EPHX1: variants seen among roughly 807,000 people sequenced by gnomAD.
The protein encoded by EPHX1 is epoxide hydratase.
A neutral mutation model predicts 43.2 loss-of-function variants in EPHX1; 40 were observed. The ratio of observed to expected loss-of-function variants is 0.93; its 90% CI spans 0.72 to 1.21. The LOEUF (loss-of-function observed/expected upper bound fraction) is 1.21, where lower values mean the gene tolerates loss of function less well. Among genes scored for constraint, EPHX1 ranks in the 50% most tolerant of loss-of-function variants. The pLI is 0.00. For missense variants in EPHX1, 550 were observed against 570.4 expected, an observed-to-expected ratio of 0.96 and a Z score of 0.36; for synonymous variants, 221 against 226.7, an observed-to-expected ratio of 0.98 and a Z score of 0.22.
At chr1:225,836,899 A>G (rs1576021162) in intron 3 of EPHX1, among the ~76,000 whole-genome samples, 1 of 152,242 alleles carries the variant, frequency 6.6e-6, no homozygotes, top group East Asian at 1.9e-4. Context: ...GACACTTACA[A>G]TCTGTTAAAA....
rs369738560 is a variant in EPHX1 at position 225,842,361 on chromosome 1, G to A, written c.932-5G>A. On this transcript the variant is annotated splice_polypyrimidine_tract_variant and splice_region_variant and intron_variant, in intron 6 of 8. Coordinates refer to ENST00000272167, the MANE Select transcript of EPHX1 (RefSeq NM_001136018.4). ...GTCTCTCCCTTGCTCCCCGCTCCCCGCCAGGCTCTGCTCTGAATGACTCTC... is the reference window on the plus strand; with the variant it reads ...GTCTCTCCCTTGCTCCCCGCTCCCCACCAGGCTCTGCTCTGAATGACTCTC... 42 of 1,605,302 alleles carry A rather than the reference G, an allele frequency of 2.6e-5. 1 individual carries two copies. Among genetic ancestry groups the A allele is most frequent in the East Asian group, 6.7e-5 (3 of 44,828 alleles).
At chr1:225,824,744 G>A (rs1667148375) in intron 1 of EPHX1, among the ~76,000 whole-genome samples, 1 of 152,184 alleles carries the variant, frequency 6.6e-6, no homozygotes, top group Non-Finnish European at 1.5e-5. Flanking sequence ...CTTGGGCTTG[G>A]GCTGGTGGAA....
Position 225,828,894 on chromosome 1 carries a change from G to C in EPHX1, c.165G>C (p.Thr55=). The change falls in exon 2 of 9, where the codon ACG becomes ACC. Residue 55 remains threonine, a synonymous_variant. Coordinates refer to ENST00000272167, the MANE Select transcript of EPHX1 (RefSeq NM_001136018.4). ...GCATCCGCCCTTTCAAGGTGGAAACGTCAGATGAGGAGATCCACGTAAGGC... is the reference window on the plus strand; with the variant it reads ...GCATCCGCCCTTTCAAGGTGGAAACCTCAGATGAGGAGATCCACGTAAGGC... ...DDSIRPFKVE[T]SDEEIHDLHQ... 1.3e-6 allele frequency: 2 copies of C among 1,583,160 alleles called. No homozygotes were observed. Among genetic ancestry groups the C allele is most frequent in the East Asian group, 2.3e-5 (1 of 43,900 alleles).
At chr1:225,814,834 C>T (rs916436981) in intron 1 of EPHX1, among the ~76,000 whole-genome samples, 1 of 152,236 alleles carries the variant, frequency 6.6e-6, no homozygotes, top group African/African-American at 2.4e-5. Context: ...TTGTAGCCCT[C>T]TTTCTGCTAG....
intron 6 of EPHX1, among the ~76,000 whole-genome samples, chr1:225,841,536 G>A (rs529609202): frequency 5.2e-4 from 78 of 150,922 alleles, no homozygotes; most frequent in African/African-American, 1.8e-3. Flanking sequence ...CACCCGCCTC[G>A]GCCTCCCAAA....
intron 1 of EPHX1, among the ~76,000 whole-genome samples, chr1:225,822,111 A>G (rs1175224688): frequency 6.6e-6 from 1 of 152,172 alleles, no homozygotes; most frequent in Non-Finnish European, 1.5e-5. Context: ...ATTTGACTTC[A>G]GTGTAGAATT....
chr1:225,839,761 C>T, intron 5 of EPHX1, 68 bp from the exon 6 acceptor site: 1 of 1,524,958 alleles, frequency 6.6e-7, no homozygotes, highest in Non-Finnish European at 9.1e-7. Context: ...TGTTCCTCCG[C>T]CATCTCTCCT....
intron 6 of EPHX1, chr1:225,840,930 A>G (rs1416846501): frequency 1.3e-5 from 2 of 152,242 alleles, no homozygotes; most frequent in African/African-American, 4.8e-5. Flanking sequence ...TTCTCTGATT[A>G]TAAAATACAT....
chr1:225,829,931 C>T (rs904659632), intron 2 of EPHX1, among the ~76,000 whole-genome samples: 4 of 151,938 alleles, frequency 2.6e-5, no homozygotes, highest in African/African-American at 7.3e-5. Flanking sequence ...AAAAATTAGC[C>T]GGGCATAGTG....
In EPHX1 at chr1:225,839,935, A is replaced by G. The variant is rs1199665881; in HGVS notation, c.829A>G (p.Arg277Gly). 1 of 1,614,088 alleles carries G rather than the reference A, an allele frequency of 6.2e-7. No individual in the cohort carries two copies. Among genetic ancestry groups the G allele is most frequent in the East Asian group, 2.2e-5 (1 of 44,896 alleles). Residue 277 changes from arginine (R) to glycine (G), a missense_variant, in exon 6 of 9, where the codon AGG becomes GGG. Transcript: ENST00000272167. ...RFGRFLGLTE[R>G]DVELLYPVKE... ...CGGGAGGTTTCTTGGCCTCACTGAG[A>G]GGGATGTGGAGCTGCTGTACCCCGT...
chr1:225,824,623 G>A (rs956097081), intron 1 of EPHX1, among the ~76,000 whole-genome samples: 1 of 152,238 alleles, frequency 6.6e-6, no homozygotes. Flanking sequence ...GGAAAGCAAA[G>A]GTTTGAGGCT....
At chr1:225,822,237 A>C (rs902203652) in intron 1 of EPHX1, among the ~76,000 whole-genome samples, 8 of 152,032 alleles carry the variant, frequency 5.3e-5, no homozygotes, top group Non-Finnish European at 1.2e-4. Context: ...TCACGTTTTT[A>C]AAAAAAATCA....
chr1:225,833,044 A>G (rs1038920971), intron 3 of EPHX1, among the ~76,000 whole-genome samples: 20 of 152,306 alleles, frequency 1.3e-4, no homozygotes, highest in African/African-American at 4.3e-4. Context: ...TGCAGCGGCT[A>G]TTCACAGGCG....
rs1184975853 is a variant in EPHX1 at position 225,817,701 on chromosome 1, TCA to T, written c.-6+7533_-6+7534del. ...CTGGCTTTTCACGCTGCTGTGAGTC[TCA>T]GTCACTATTAGAGAAACACAGTCAG... On this transcript the variant is annotated intron_variant, in intron 1 of 8. Coordinates refer to ENST00000272167, the MANE Select transcript of EPHX1 (RefSeq NM_001136018.4). The surrounding 1 kb of genome is among the most constrained non-coding windows in gnomAD (Gnocchi z 5.7). Among the ~76,000 whole-genome samples the T allele has an allele frequency of 6.6e-6, 1 of 152,252 alleles. No individual in the cohort carries two copies. The highest frequency in any genetic ancestry group is 2.4e-5 in the African/African-American group (1 of 41,474).
At chr1:225,837,095 A>G (rs1012338375) in intron 3 of EPHX1, among the ~76,000 whole-genome samples, 3 of 152,180 alleles carry the variant, frequency 2.0e-5, no homozygotes, top group African/African-American at 7.2e-5. Flanking sequence ...AGTTTTCTGG[A>G]TTCTTTGCAG....
Position 225,845,544 on chromosome 1 carries a change from T to A in EPHX1, c.*197T>A. 1 of 618,950 alleles carries A rather than the reference T, an allele frequency of 1.6e-6. No individual in the cohort carries two copies. The highest frequency in any genetic ancestry group is 2.8e-6 in the Non-Finnish European group (1 of 353,982). The allele number at this position is 618,950 out of a possible 1,614,324, so 38.3% of individuals were successfully genotyped here. On this transcript the variant is annotated 3_prime_UTR_variant, in exon 9 of 9. Coordinates refer to ENST00000272167, the MANE Select transcript of EPHX1 (RefSeq NM_001136018.4). Reference sequence around the variant, plus strand: ...GTGGTAAGCAACATGGCTTTGATGATAAACGACTTTACTCTAAAAGCGGCT... The same window carrying A: ...GTGGTAAGCAACATGGCTTTGATGAAAAACGACTTTACTCTAAAAGCGGCT...
chr1:225,831,828 A>G lies in EPHX1; in HGVS notation c.233A>G (p.Asp78Gly). The change falls in exon 3 of 9, where the codon GAC becomes GGC. Residue 78 changes from aspartate to glycine, a missense_variant. By Grantham distance (94) the Asp-to-Gly change is moderately conservative (BLOSUM62 -1). Coordinates refer to ENST00000272167, the MANE Select transcript of EPHX1 (RefSeq NM_001136018.4). ...TTCCGTTTCACCCCACCTTTGGAGGACAGCTGCTTCCACTATGGCTTCAAC... is the reference window on the plus strand; with the variant it reads ...TTCCGTTTCACCCCACCTTTGGAGGGCAGCTGCTTCCACTATGGCTTCAAC... ...DKFRFTPPLE[D>G]SCFHYGFNSN... 6.2e-7 allele frequency: 1 copy of G among 1,614,196 alleles called. No individual in the cohort carries two copies. Among genetic ancestry groups the G allele is most frequent in the Non-Finnish European group, 8.5e-7 (1 of 1,180,044 alleles).
chr1:225,821,813 T>C (rs1214674785), intron 1 of EPHX1, among the ~76,000 whole-genome samples: 2 of 152,016 alleles, frequency 1.3e-5, no homozygotes, highest in Non-Finnish European at 2.9e-5. Flanking sequence ...TCTACCTGCG[T>C]TGGCCTCCCA....
At chr1:225,820,734 C>T (rs1666943781) in intron 1 of EPHX1, among the ~76,000 whole-genome samples, 1 of 152,068 alleles carries the variant, frequency 6.6e-6, no homozygotes, top group African/African-American at 2.4e-5. Context: ...AAAAACCCTG[C>T]TCAATGACCC....
Sources: allele counts gnomAD v4.1 joint callset (sites outside exome capture counted in the v4.1 genomes callset), GRCh38; gene constraint gnomAD v4.1.1; non-coding constraint Gnocchi (gnomAD v3.1); transcripts MANE v1.5; gene names NCBI Gene and HGNC (gene_info 2026-07-23, HGNC 2026-07-21).